Variants in ZBTB7C observed in about 807,000 individuals in gnomAD.
ZBTB7C encodes zinc finger and BTB domain containing 7C.
In ZBTB7C, 8 loss-of-function variants were observed where a neutral mutation model predicts 25.7. That is an observed-to-expected ratio of 0.31 (90% CI 0.18 to 0.56). ZBTB7C has a LOEUF of 0.56. Among genes scored for constraint, ZBTB7C ranks in the 20% least tolerant of loss-of-function variants. The pLI, the probability that ZBTB7C is intolerant of heterozygous loss-of-function variation, is 0.91. For synonymous variants in ZBTB7C, 394 were observed against 369.0 expected (o/e 1.07, Z -0.78); for missense variants, 824 against 855.2 (o/e 0.96, Z 0.46).
chr18:48,029,828 T>C lies in ZBTB7C; in HGVS notation c.1292A>G (p.His431Arg), dbSNP rs1326080373. The C allele has an allele frequency of 6.2e-7, 1 of 1,609,910 alleles. No individual in the cohort carries two copies. Among genetic ancestry groups the C allele is most frequent in the Non-Finnish European group, 8.5e-7 (1 of 1,179,982 alleles). Residue 431 changes from histidine to arginine, a missense_variant, in exon 5 of 5, where the codon CAC (histidine) becomes CGC (arginine). His to Arg is a conservative substitution (Grantham distance 29, BLOSUM62 0). Coordinates refer to ENST00000590800, the MANE Select transcript of ZBTB7C (RefSeq NM_001318841.2). ...CATGTGGTTCTTGAGGTCGTAGTTG[T>C]GCACGAACTTGGCGTTGCAGTGGAT... Reference protein sequence around the residue: ...LCIHCNAKFVHNYDLKNHMRI... With the variant: ...LCIHCNAKFVRNYDLKNHMRI...
chr18:48,088,811 C>A (rs2038294419), intron 3 of ZBTB7C, among the ~76,000 whole-genome samples: 1 of 151,892 alleles, frequency 6.6e-6, no homozygotes, highest in Non-Finnish European at 1.5e-5. Flanking sequence ...GCCTGGGCGA[C>A]AGAGTGCAAC....
intron 2 of ZBTB7C, among the ~76,000 whole-genome samples, chr18:48,299,041 C>T (rs372578583): frequency 6.6e-6 from 1 of 152,180 alleles, no homozygotes; most frequent in Admixed American, 6.5e-5. Flanking sequence ...TCCTGTCCTA[C>T]CTCAAAGAGG....
At chr18:48,049,761 C>T (rs1598779328) in intron 3 of ZBTB7C, among the ~76,000 whole-genome samples, 2 of 152,304 alleles carry the variant, frequency 1.3e-5, no homozygotes, top group African/African-American at 2.4e-5. Context: ...AGTCCCATTG[C>T]TTTCCTGCCC....
intron 3 of ZBTB7C, among the ~76,000 whole-genome samples, chr18:48,087,223 G>A (rs1005384386): frequency 1.3e-5 from 2 of 152,188 alleles, no homozygotes; most frequent in Non-Finnish European, 2.9e-5. Context: ...AAGCAAGGAG[G>A]GCATCTGAAT....
chr18:48,150,147 G>C (rs1205077277), intron 3 of ZBTB7C: 6 of 152,120 alleles, frequency 3.9e-5, no homozygotes, highest in African/African-American at 1.4e-4. Flanking sequence ...GTTCTATGAA[G>C]TCAGTATATT....
chr18:48,275,124 T>G (rs2044607456), intron 2 of ZBTB7C, among the ~76,000 whole-genome samples: 1 of 152,220 alleles, frequency 6.6e-6, no homozygotes, highest in Non-Finnish European at 1.5e-5. Flanking sequence ...AAAGGTCTGA[T>G]CACTAGCAAT....
At chr18:48,152,167 C>T (rs1372378675) in intron 3 of ZBTB7C, among the ~76,000 whole-genome samples, 2 of 152,144 alleles carry the variant, frequency 1.3e-5, no homozygotes, top group Admixed American at 1.3e-4. Context: ...CTGGCTTCCA[C>T]AGGGTCCTTA....
chr18:48,071,458 A>T (rs2037538108), intron 3 of ZBTB7C, among the ~76,000 whole-genome samples: 1 of 152,216 alleles, frequency 6.6e-6, no homozygotes. Context: ...TCTCATAGCC[A>T]TTAGGATGGC....
At chr18:48,131,566 A>C (rs2039986531) in intron 3 of ZBTB7C, among the ~76,000 whole-genome samples, 1 of 152,070 alleles carries the variant, frequency 6.6e-6, no homozygotes, top group Non-Finnish European at 1.5e-5. Flanking sequence ...AGTGTTAGTT[A>C]TCCTATTCAG....
intron 3 of ZBTB7C, among the ~76,000 whole-genome samples, chr18:48,128,495 A>G (rs114070450): frequency 0.02 from 2,992 of 152,372 alleles, 70 homozygotes; most frequent in African/African-American, 0.063. Flanking sequence ...AAAATGTGGC[A>G]TACATACACC....
chr18:48,125,861 G>C (rs79198519), intron 3 of ZBTB7C, among the ~76,000 whole-genome samples: 1 of 152,168 alleles, frequency 6.6e-6, no homozygotes, highest in Non-Finnish European at 1.5e-5. Flanking sequence ...CGCTAGCCAC[G>C]CATTCTAAGA....
chr18:48,383,601 G>A (rs2047680766), intron 1 of ZBTB7C, among the ~76,000 whole-genome samples: 1 of 152,154 alleles, frequency 6.6e-6, no homozygotes, highest in Non-Finnish European at 1.5e-5. Context: ...TGGGGCTTAA[G>A]GATAGAAGAA....
chr18:48,033,209 G>T (rs751561760), intron 4 of ZBTB7C, among the ~76,000 whole-genome samples: 4 of 152,192 alleles, frequency 2.6e-5, no homozygotes, highest in Admixed American at 1.3e-4. Context: ...CACACTTGGT[G>T]TAATTTCCTC....
At chr18:48,116,558 C>T (rs527338729) in intron 3 of ZBTB7C, among the ~76,000 whole-genome samples, 4 of 152,272 alleles carry the variant, frequency 2.6e-5, no homozygotes, top group South Asian at 4.2e-4. Context: ...GCCAATCGCA[C>T]GGGGGTCCGC....
chr18:48,055,141 C>T (rs896830401), intron 3 of ZBTB7C, among the ~76,000 whole-genome samples: 3 of 151,646 alleles, frequency 2.0e-5, no homozygotes, highest in South Asian at 2.1e-4. Context: ...CATGGTGGCT[C>T]ACCTCCCAAA....
intron 1 of ZBTB7C, among the ~76,000 whole-genome samples, chr18:48,338,909 G>T (rs1256148257): frequency 2.4e-5 from 3 of 124,068 alleles, no homozygotes; most frequent in African/African-American, 9.0e-5. Flanking sequence ...TCTGTAGTTT[G>T]TTGGGGGGGG....
At chr18:48,225,746 T>C (rs997854526) in intron 2 of ZBTB7C, among the ~76,000 whole-genome samples, 1 of 152,012 alleles carries the variant, frequency 6.6e-6, no homozygotes, top group African/African-American at 2.4e-5. Flanking sequence ...AGGAAACACT[T>C]CCTAATTTTT....
chr18:48,286,821 G>A (rs2045069457), intron 2 of ZBTB7C, among the ~76,000 whole-genome samples: 1 of 151,920 alleles, frequency 6.6e-6, no homozygotes, highest in South Asian at 2.1e-4. Flanking sequence ...GGAGGCTAAG[G>A]CAGGGGGATC....
intron 3 of ZBTB7C, among the ~76,000 whole-genome samples, chr18:48,152,070 G>C (rs769371605): frequency 7.6e-4 from 116 of 152,244 alleles, no homozygotes; most frequent in Non-Finnish European, 1.4e-3. Context: ...TTAGGAGTCT[G>C]AATATGGTGG....
Sources: allele counts gnomAD v4.1 joint callset (sites outside exome capture counted in the v4.1 genomes callset), GRCh38; gene constraint gnomAD v4.1.1; transcripts MANE v1.5; gene names NCBI Gene and HGNC (gene_info 2026-07-23, HGNC 2026-07-21).